Variants in RTL4 observed in about 807,000 individuals in gnomAD.
RTL4 encodes the protein retrotransposon Gag like 4.
Under a neutral mutation model 5.3 loss-of-function variants are expected in RTL4, and 4 were observed. The ratio of observed to expected loss-of-function variants is 0.75; its 90% CI spans 0.37 to 1.72. RTL4 has a LOEUF of 1.72. Ranked by LOEUF, RTL4 falls within the 40% of genes most tolerant of loss-of-function variation. The pLI is 0.04. For missense variants in RTL4, 260 were observed against 227.1 expected, an observed-to-expected ratio of 1.14 and a Z score of -0.93; for synonymous variants, 98 against 87.3, an observed-to-expected ratio of 1.12 and a Z score of -0.68.
the RTL4 span, among the ~76,000 whole-genome samples, chrX:112,437,257 A>G: frequency 1.8e-5 from 2 of 111,731 alleles, no homozygotes; most frequent in Non-Finnish European, 3.8e-5. Context: ...ATTTTTGACC[A>G]GATCATCTCT....
At chrX:112,448,716 G>C in the RTL4 span, among the ~76,000 whole-genome samples, 1 of 111,649 alleles carries the variant, frequency 9.0e-6, no homozygotes, top group African/African-American at 3.3e-5. Flanking sequence ...TCTTTGGATA[G>C]CTTCTTCCTT....
the RTL4 span, among the ~76,000 whole-genome samples, chrX:112,083,243 G>A: frequency 4.4e-3 from 495 of 112,722 alleles, 1 homozygote; most frequent in Non-Finnish European, 7.2e-3. Context: ...GAGTCCCTCG[G>A]AGCATATGGC....
At chrX:112,416,207 A>G in the RTL4 span, among the ~76,000 whole-genome samples, 1 of 111,418 alleles carries the variant, frequency 9.0e-6, no homozygotes, top group African/African-American at 3.3e-5. Flanking sequence ...TACACCTGTC[A>G]TATTGGACCA....
the RTL4 span, among the ~76,000 whole-genome samples, chrX:112,374,343 G>A: frequency 1.8e-5 from 2 of 111,185 alleles, no homozygotes; most frequent in Non-Finnish European, 1.9e-5. Context: ...CTATCTGCTC[G>A]ATTGATCTAT....
chrX:112,175,890 A>G, the RTL4 span, among the ~76,000 whole-genome samples: 1 of 111,259 alleles, frequency 9.0e-6, no homozygotes, highest in Non-Finnish European at 1.9e-5. Flanking sequence ...GCAGTTAGGC[A>G]GGAGAAGGAA....
the RTL4 span, among the ~76,000 whole-genome samples, chrX:112,356,686 T>C: frequency 2.7e-5 from 3 of 111,007 alleles, no homozygotes; most frequent in African/African-American, 9.8e-5. Flanking sequence ...TATTTACTCA[T>C]GCTTCTCAGC....
chrX:112,268,685 C>A, the RTL4 span, among the ~76,000 whole-genome samples: 1 of 111,731 alleles, frequency 9.0e-6, no homozygotes, highest in Non-Finnish European at 1.9e-5. Flanking sequence ...TCTGTCTGTC[C>A]ACTAAGTCTT....
the RTL4 span, among the ~76,000 whole-genome samples, chrX:112,387,736 G>A: frequency 8.9e-6 from 1 of 111,741 alleles, no homozygotes; most frequent in South Asian, 3.7e-4. Flanking sequence ...TTGTAGTTGT[G>A]CAGTCTTATT....
the RTL4 span, among the ~76,000 whole-genome samples, chrX:112,373,966 C>A: frequency 3.6e-5 from 4 of 110,754 alleles, no homozygotes; most frequent in East Asian, 1.1e-3. Context: ...TAGTTTGTTT[C>A]TTTTTATTGA....
the RTL4 span, among the ~76,000 whole-genome samples, chrX:112,198,411 T>C: frequency 9.0e-6 from 1 of 111,660 alleles, no homozygotes; most frequent in African/African-American, 3.3e-5. Flanking sequence ...GTTGAATGAA[T>C]GTATGAATGA....
the RTL4 span, among the ~76,000 whole-genome samples, chrX:112,327,358 T>C: frequency 8.9e-6 from 1 of 111,985 alleles, no homozygotes. Flanking sequence ...ACGTGAAGAA[T>C]GCAGAAGCTT....
chrX:112,327,576 C>G, the RTL4 span, among the ~76,000 whole-genome samples: 1 of 109,600 alleles, frequency 9.1e-6, no homozygotes, highest in Non-Finnish European at 1.9e-5. Context: ...AGTTGGAAAA[C>G]ACTCTGCAGG....
chrX:112,274,372 T>C, the RTL4 span, among the ~76,000 whole-genome samples: 1 of 112,077 alleles, frequency 8.9e-6, no homozygotes, highest in African/African-American at 3.2e-5. Context: ...AGCAGTCTGT[T>C]CTGAGCCCAT....
chrX:112,368,105 C>T, the RTL4 span, among the ~76,000 whole-genome samples: 1 of 111,340 alleles, frequency 9.0e-6, no homozygotes, highest in Non-Finnish European at 1.9e-5. Flanking sequence ...TAATTTTATA[C>T]TTTAAAATGC....
chrX:112,262,660 G>C, the RTL4 span, among the ~76,000 whole-genome samples: 1 of 111,667 alleles, frequency 9.0e-6, no homozygotes, highest in African/African-American at 3.3e-5. Context: ...TCTAGAACTA[G>C]AAATACCATT....
chrX:112,094,453 G>T, the RTL4 span, among the ~76,000 whole-genome samples: 1 of 110,769 alleles, frequency 9.0e-6, no homozygotes, highest in African/African-American at 3.3e-5. Flanking sequence ...AGAGTTGGTC[G>T]TATAAGTCTG....
At chrX:112,402,381 T>C in the RTL4 span, among the ~76,000 whole-genome samples, 1 of 103,870 alleles carries the variant, frequency 9.6e-6, no homozygotes, top group East Asian at 3.1e-4. Context: ...GTTTAGCTCA[T>C]TTCTTTGCGG....
At chrX:112,185,491 T>A in the RTL4 span, among the ~76,000 whole-genome samples, 1 of 107,057 alleles carries the variant, frequency 9.3e-6, no homozygotes, top group Non-Finnish European at 1.9e-5. Flanking sequence ...GATACTTTGT[T>A]ATATGCTGTG....
the RTL4 span, among the ~76,000 whole-genome samples, chrX:112,105,024 A>G: frequency 8.9e-6 from 1 of 111,759 alleles, no homozygotes; most frequent in East Asian, 2.8e-4. Flanking sequence ...CCAGGTTCAG[A>G]TCGTACATTT....
Sources: gnomAD v4.1 joint callset for allele counts (sites outside exome capture counted in the v4.1 genomes callset) on GRCh38, gnomAD v4.1.1 for gene constraint, MANE v1.5 for transcripts, NCBI Gene and HGNC (gene_info 2026-07-23, HGNC 2026-07-21) for gene names.